SMC5: variants seen among roughly 807,000 people sequenced by gnomAD.
The protein encoded by SMC5 is structural maintenance of chromosomes 5.
A neutral mutation model predicts 148.3 loss-of-function variants in SMC5; 88 were observed. The observed-to-expected ratio is 0.59, with a 90% CI of 0.50 to 0.71. The LOEUF (loss-of-function observed/expected upper bound fraction) is 0.71. Among genes scored for constraint, SMC5 ranks in the 30% least tolerant of loss-of-function variants. The pLI is 0.00. For missense variants in SMC5, 1,142 were observed against 1,298.9 expected, an observed-to-expected ratio of 0.88 and a Z score of 1.86; for synonymous variants, 421 against 432.8, an observed-to-expected ratio of 0.97 and a Z score of 0.34.
Position 70,324,004 on chromosome 9 carries a change from G to T in SMC5, c.2275-17G>T. The T allele has an allele frequency of 6.5e-7, 1 of 1,527,250 alleles. No individual in the cohort carries two copies. Among genetic ancestry groups the T allele is most frequent in the Non-Finnish European group, 8.8e-7 (1 of 1,142,834 alleles). The allele number at this position is 1,527,250 out of a possible 1,614,324, so 94.6% of individuals were successfully genotyped here. On this transcript the variant is annotated splice_polypyrimidine_tract_variant and intron_variant, in intron 16 of 24. Coordinates refer to ENST00000361138, the MANE Select transcript of SMC5 (RefSeq NM_015110.4). ...TAGGTAACATAAAAATTAACTCTTA[G>T]GGGTTTTTGTTCCTAGATTTGTACT...
intron 15 of SMC5, among the ~76,000 whole-genome samples, chr9:70,323,022 G>A (rs145336251): frequency 2.0e-5 from 3 of 152,124 alleles, no homozygotes; most frequent in East Asian, 1.9e-4. Flanking sequence ...TACAGCACCC[G>A]CTGAATTTGT....
chr9:70,341,009 C>T (rs1462920758), intron 17 of SMC5, among the ~76,000 whole-genome samples: 1 of 152,030 alleles, frequency 6.6e-6, no homozygotes, highest in African/African-American at 2.4e-5. Flanking sequence ...ATTTTCTATT[C>T]TCTATTAACT....
At chr9:70,279,448 G>T (rs1424129279) in intron 5 of SMC5, among the ~76,000 whole-genome samples, 2 of 152,100 alleles carry the variant, frequency 1.3e-5, no homozygotes, top group African/African-American at 2.4e-5. Context: ...GAGCCAAGGA[G>T]GTCAAGGTTG....
At chr9:70,284,350 A>T (rs1180613423) in intron 7 of SMC5, among the ~76,000 whole-genome samples, 1 of 152,210 alleles carries the variant, frequency 6.6e-6, no homozygotes, top group Non-Finnish European at 1.5e-5. Context: ...TGTAGATATT[A>T]TCTAGACAAG....
chr9:70,344,748 A>G (rs1212124883), intron 18 of SMC5: 2 of 152,104 alleles, frequency 1.3e-5, no homozygotes, highest in African/African-American at 2.4e-5. Flanking sequence ...AAATTAGGAG[A>G]TGCTGCCCTT....
intron 16 of SMC5, 72 bp downstream of exon 16, chr9:70,323,678 A>C: frequency 6.8e-7 from 1 of 1,475,988 alleles, no homozygotes; most frequent in African/African-American, 1.4e-5. Flanking sequence ...AAATCTTTAG[A>C]GGGAGGGAAG....
intron 15 of SMC5, among the ~76,000 whole-genome samples, chr9:70,321,346 T>C (rs1444092180): frequency 6.6e-6 from 1 of 152,116 alleles, no homozygotes; most frequent in East Asian, 1.9e-4. Context: ...ATGGGTCATA[T>C]ATTCCACAGA....
intron 1 of SMC5, among the ~76,000 whole-genome samples, chr9:70,259,663 G>A (rs1203572793): frequency 6.6e-6 from 1 of 152,176 alleles, no homozygotes; most frequent in Non-Finnish European, 1.5e-5. Context: ...TGATGCTGTG[G>A]CGGATTCTTA....
chr9:70,295,698 A>G (rs1002724572), intron 8 of SMC5, among the ~76,000 whole-genome samples: 1 of 152,094 alleles, frequency 6.6e-6, no homozygotes, highest in Non-Finnish European at 1.5e-5. Flanking sequence ...TTGAAAGGTA[A>G]GGGATCGTTG....
intron 13 of SMC5, 94 bp downstream of exon 13, chr9:70,315,672 TTAAG>T (rs1424081361): frequency 4.8e-6 from 5 of 1,034,802 alleles, no homozygotes; most frequent in Non-Finnish European, 6.6e-6. Context: ...GTGTCAGAAT[TTAAG>T]TAAGTCTGTT....
intron 11 of SMC5, among the ~76,000 whole-genome samples, chr9:70,310,275 C>T (rs546465363): frequency 2.0e-5 from 3 of 152,298 alleles, no homozygotes; most frequent in African/African-American, 7.2e-5. Context: ...CAAAATTACT[C>T]CTTGATCCAT....
In SMC5 at chr9:70,277,297, AT is replaced by A; in HGVS notation, c.381-7del. The A allele has an allele frequency of 1.3e-6, 2 of 1,482,514 alleles. No homozygotes were observed. The highest frequency in any genetic ancestry group is 1.8e-6 in the Non-Finnish European group (2 of 1,118,928). 91.8% of individuals were successfully genotyped at this position (1,482,514 alleles called of 1,614,324 possible). On this transcript the variant is annotated splice_polypyrimidine_tract_variant and intron_variant, in intron 3 of 24. Transcript: ENST00000361138. ...TTTTGAATATAAAGATTCTTAAATT[AT>A]TTTTTAATTAGGTTCAGGGCTTCTG...
At chr9:70,278,680 G>A (rs2034664431) in intron 5 of SMC5, 55 bp downstream of exon 5, 1 of 1,513,434 alleles carries the variant, frequency 6.6e-7, no homozygotes. Flanking sequence ...CTGTATCTCA[G>A]AACATGGGAG....
Position 70,274,182 on chromosome 9 carries a change from C to T in SMC5, c.381-3128C>T, listed in dbSNP as rs187450219. Among the ~76,000 whole-genome samples the T allele has an allele frequency of 5.9e-5, 9 of 152,292 alleles. No homozygotes were observed. The East Asian group carries it at 1.7e-3, about 29-fold the overall frequency. ...CTGCAGGCTCCGCCTCCCGGGTTCA[C>T]GCCATTTTCCTGCCTCAGCCTCCCG... On this transcript the variant is annotated intron_variant, in intron 3 of 24. Transcript: ENST00000361138.
intron 2 of SMC5, among the ~76,000 whole-genome samples, chr9:70,264,955 T>G (rs553537576): frequency 4.6e-5 from 7 of 152,312 alleles, no homozygotes; most frequent in Non-Finnish European, 8.8e-5. Context: ...TGTGGACAAT[T>G]GTAACACAAT....
At chr9:70,342,151 A>T (rs946674553) in intron 17 of SMC5, among the ~76,000 whole-genome samples, 4 of 150,774 alleles carry the variant, frequency 2.7e-5, no homozygotes, top group Admixed American at 2.6e-4. Context: ...AAAAAACCAA[A>T]CACCGCATGT....
At chr9:70,314,947 C>A in intron 12 of SMC5, 111 bp downstream of exon 12, 1 of 641,956 alleles carries the variant, frequency 1.6e-6, no homozygotes, top group Non-Finnish European at 2.4e-6. Flanking sequence ...TCTCTTAAGT[C>A]GAATATAAGG....
At chr9:70,322,777 G>A (rs2035981569) in intron 15 of SMC5, among the ~76,000 whole-genome samples, 1 of 152,168 alleles carries the variant, frequency 6.6e-6, no homozygotes, top group African/African-American at 2.4e-5. Flanking sequence ...GGAAGTTGCA[G>A]TGAGCTGAGA....
At chr9:70,295,425 T>G (rs546993096) in intron 8 of SMC5, among the ~76,000 whole-genome samples, 22 of 146,342 alleles carry the variant, frequency 1.5e-4, no homozygotes, top group Middle Eastern at 3.8e-3. Flanking sequence ...GAGCTGAGAT[T>G]GCACCACTGC....
Sources: allele counts gnomAD v4.1 joint callset (sites outside exome capture counted in the v4.1 genomes callset), GRCh38; gene constraint gnomAD v4.1.1; transcripts MANE v1.5; gene names NCBI Gene and HGNC (gene_info 2026-07-23, HGNC 2026-07-21).